Variants in CLVS1 observed in about 807,000 individuals in gnomAD.
CLVS1 encodes the protein clavesin 1.
In CLVS1, 10 loss-of-function variants were observed where a neutral mutation model predicts 33.1. The ratio of observed to expected loss-of-function variants is 0.30; its 90% confidence interval spans 0.19 to 0.51. The LOEUF (loss-of-function observed/expected upper bound fraction) is 0.51, where lower values mean the gene tolerates loss of function less well. Ranked by LOEUF, CLVS1 falls within the 20% of genes least tolerant of loss-of-function variation. The pLI, the probability that CLVS1 is intolerant of heterozygous loss-of-function variation, is 0.97. For synonymous variants in CLVS1, 163 were observed against 166.1 expected, an observed-to-expected ratio of 0.98 and a Z score of 0.14; for missense variants, 343 against 433.4, an observed-to-expected ratio of 0.79 and a Z score of 1.85.
intron 3 of CLVS1, among the ~76,000 whole-genome samples, chr8:61,430,000 C>A (rs1211191029): frequency 6.6e-6 from 1 of 152,164 alleles, no homozygotes; most frequent in Non-Finnish European, 1.5e-5. Context: ...TCTCTGGAAC[C>A]ATTTCTATCC....
At chr8:61,029,385 A>C in the CLVS1 span, among the ~76,000 whole-genome samples, 1 of 152,094 alleles carries the variant, frequency 6.6e-6, no homozygotes, top group African/African-American at 2.4e-5. Context: ...GAACAGAGGG[A>C]GGCGGGGCAG....
intron 5 of CLVS1, among the ~76,000 whole-genome samples, chr8:61,498,423 C>T (rs1044457301): frequency 6.6e-6 from 1 of 152,186 alleles, no homozygotes; most frequent in African/African-American, 2.4e-5. Context: ...ATTTACTGCA[C>T]ATATATGTAA....
chr8:61,071,049 C>A (rs908832717), intron 1 of CLVS1, among the ~76,000 whole-genome samples: 1 of 152,194 alleles, frequency 6.6e-6, no homozygotes, highest in African/African-American at 2.4e-5. Flanking sequence ...TAACTAAGTA[C>A]GTTTTGGGCA....
chr8:61,149,551 C>CAAAAA (rs1166606940), intron 2 of CLVS1, among the ~76,000 whole-genome samples: 67 of 51,782 alleles, frequency 1.3e-3, no homozygotes, highest in African/African-American at 1.8e-3. Flanking sequence ...GACTCTGTCT[C>CAAAAA]AAAAAAAAAA....
At chr8:61,091,805 C>T (rs1188738528) in intron 1 of CLVS1, among the ~76,000 whole-genome samples, 1 of 152,106 alleles carries the variant, frequency 6.6e-6, no homozygotes, top group East Asian at 1.9e-4. Flanking sequence ...TTACCTTTGC[C>T]AAAATGTCAG....
chr8:61,183,821 A>G (rs1807289225), intron 2 of CLVS1, among the ~76,000 whole-genome samples: 1 of 152,224 alleles, frequency 6.6e-6, no homozygotes, highest in Admixed American at 6.5e-5. Context: ...ACTCACAGCT[A>G]TCTTTCTTGA....
chr8:61,035,729 C>T, the CLVS1 span, among the ~76,000 whole-genome samples: 2 of 152,098 alleles, frequency 1.3e-5, no homozygotes, highest in Admixed American at 1.3e-4. Context: ...AGGCAGACAC[C>T]TCAACAATGA....
chr8:61,048,769 C>A, the CLVS1 span, among the ~76,000 whole-genome samples: 7 of 152,116 alleles, frequency 4.6e-5, no homozygotes, highest in Non-Finnish European at 1.0e-4. Context: ...CAAGGCTAGA[C>A]TCTACCTGAG....
At chr8:61,332,761 C>T (rs1356046413) in intron 2 of CLVS1, among the ~76,000 whole-genome samples, 3 of 152,104 alleles carry the variant, frequency 2.0e-5, no homozygotes, top group Admixed American at 2.0e-4. Flanking sequence ...CCTCAGCCTC[C>T]CGAGTGAGTA....
At position 61,339,825 on chromosome 8, in the gene CLVS1, AGAGC is replaced by A. The variant is rs368435261; in HGVS notation, c.456-36776_456-36773del. Among the ~76,000 whole-genome samples the A allele has an allele frequency of 6.7e-4, 101 of 150,218 alleles. 1 individual carries two copies. Among genetic ancestry groups the A allele is most frequent in the South Asian group, 4.3e-3 (20 of 4,672 alleles). On this transcript the variant is annotated intron_variant, in intron 2 of 5. Transcript: ENST00000325897. ...GAGAGGAAGGAAAGGAGGGAAAGAA[AGAGC>A]GAGAAAGGAAGGAAGGAAGAAAAAG...
intron 1 of CLVS1, among the ~76,000 whole-genome samples, chr8:61,116,807 T>G (rs1468027893): frequency 1.4e-5 from 2 of 139,960 alleles, no homozygotes; most frequent in Non-Finnish European, 3.1e-5. Context: ...GGTAGTGTGA[T>G]GCCTCCAGCT....
At chr8:61,354,331 T>C (rs1812596913) in intron 2 of CLVS1, among the ~76,000 whole-genome samples, 2 of 151,986 alleles carry the variant, frequency 1.3e-5, no homozygotes, top group Non-Finnish European at 2.9e-5. Context: ...TTGTTGAGGA[T>C]ATAAGGAAAC....
upstream of CLVS1, among the ~76,000 whole-genome samples, chr8:61,054,605 C>T (rs1376899777): frequency 6.6e-6 from 1 of 152,002 alleles, no homozygotes; most frequent in African/African-American, 2.4e-5. Flanking sequence ...ATACTTGGTG[C>T]ACAGGCCCAT....
chr8:60,974,778 C>CA, the CLVS1 span, among the ~76,000 whole-genome samples: 1,012 of 104,796 alleles, frequency 9.7e-3, 6 homozygotes, highest in South Asian at 0.028. Context: ...GACTCCATCT[C>CA]AAAAAAAAAA....
At chr8:60,977,611 T>G in the CLVS1 span, among the ~76,000 whole-genome samples, 3 of 152,132 alleles carry the variant, frequency 2.0e-5, no homozygotes, top group African/African-American at 7.2e-5. Context: ...TTGAGACAAT[T>G]GAGACTATCC....
intron 2 of CLVS1, among the ~76,000 whole-genome samples, chr8:61,252,234 A>G (rs2129591722): frequency 6.6e-6 from 1 of 152,202 alleles, no homozygotes; most frequent in Non-Finnish European, 1.5e-5. Context: ...GTTTTGAGTG[A>G]GTTTCTTAGT....
the CLVS1 span, among the ~76,000 whole-genome samples, chr8:61,005,064 G>A: frequency 6.6e-6 from 1 of 152,210 alleles, no homozygotes; most frequent in East Asian, 1.9e-4. Context: ...GAGTCCAGAA[G>A]CTGGGAATCC....
chr8:61,475,743 G>C (rs532178386), intron 5 of CLVS1, among the ~76,000 whole-genome samples: 2 of 152,258 alleles, frequency 1.3e-5, no homozygotes, highest in South Asian at 2.1e-4. Flanking sequence ...CCATTCTGTA[G>C]GTTGCCTGTT....
intron 2 of CLVS1, among the ~76,000 whole-genome samples, chr8:61,237,733 A>T (rs1046257335): frequency 2.6e-5 from 4 of 152,182 alleles, no homozygotes; most frequent in African/African-American, 9.6e-5. Context: ...GGGCCCACAG[A>T]TAAGCAAAGG....
Sources: allele counts gnomAD v4.1 joint callset (sites outside exome capture counted in the v4.1 genomes callset), GRCh38; gene constraint gnomAD v4.1.1; transcripts MANE v1.5; gene names NCBI Gene and HGNC (gene_info 2026-07-23, HGNC 2026-07-21).